KCND2: variants seen among roughly 807,000 people sequenced by gnomAD.
KCND2 encodes the protein A-type voltage-gated potassium channel KCND2.
In KCND2, 16 loss-of-function variants were observed where a neutral mutation model predicts 54.4. The observed-to-expected ratio is 0.29, with a 90% confidence interval of 0.20 to 0.45. KCND2 has a LOEUF of 0.45. Among genes scored for constraint, KCND2 ranks in the 20% least tolerant of loss-of-function variants. KCND2 has a pLI of 1.00. For synonymous variants in KCND2, 317 were observed against 310.7 expected, an observed-to-expected ratio of 1.02 and a Z score of -0.21; for missense variants, 486 against 824.2, an observed-to-expected ratio of 0.59 and a Z score of 5.02.
At chr7:120,608,914 A>G (rs1792916775) in intron 1 of KCND2, among the ~76,000 whole-genome samples, 1 of 152,128 alleles carries the variant, frequency 6.6e-6, no homozygotes, top group South Asian at 2.1e-4. Context: ...GCAAAATAAA[A>G]CACACCAAGT....
intron 2 of KCND2, among the ~76,000 whole-genome samples, chr7:120,740,110 C>T (rs1792922475): frequency 6.6e-6 from 1 of 151,882 alleles, no homozygotes; most frequent in Admixed American, 6.6e-5. Flanking sequence ...AGAGTATTCT[C>T]TGGAGTAAAA....
intron 1 of KCND2, among the ~76,000 whole-genome samples, chr7:120,724,372 T>G (rs1792706171): frequency 6.6e-6 from 1 of 152,210 alleles, no homozygotes; most frequent in Non-Finnish European, 1.5e-5. Flanking sequence ...ACATTTGAGC[T>G]TCATCAATGG....
chr7:120,524,582 A>G (rs1791748363), intron 1 of KCND2, among the ~76,000 whole-genome samples: 1 of 152,202 alleles, frequency 6.6e-6, no homozygotes, highest in African/African-American at 2.4e-5. Context: ...AATTCACAAT[A>G]ATGACAGAAA....
chr7:120,686,209 A>C, intron 1 of KCND2, among the ~76,000 whole-genome samples: 1 of 152,236 alleles, frequency 6.6e-6, no homozygotes, highest in South Asian at 2.1e-4. Flanking sequence ...ACAATGCTGA[A>C]ATGAACATGG....
chr7:120,276,892 G>C (rs1799184821), intron 1 of KCND2, among the ~76,000 whole-genome samples: 1 of 152,004 alleles, frequency 6.6e-6, no homozygotes, highest in Non-Finnish European at 1.5e-5. Flanking sequence ...CTTCAGCTTT[G>C]TGCTACTATT....
intron 1 of KCND2, among the ~76,000 whole-genome samples, chr7:120,558,907 A>G (rs1056116441): frequency 5.3e-5 from 8 of 152,290 alleles, no homozygotes; most frequent in African/African-American, 1.9e-4. Context: ...TGAATGGTCC[A>G]TAGCATCATT....
intron 1 of KCND2, among the ~76,000 whole-genome samples, chr7:120,701,615 A>G (rs1468727751): frequency 6.6e-6 from 1 of 152,168 alleles, no homozygotes; most frequent in Admixed American, 6.6e-5. Flanking sequence ...ACACAGACCA[A>G]TGAAACAGAA....
At chr7:120,355,960 A>G (rs988062024) in intron 1 of KCND2, among the ~76,000 whole-genome samples, 2 of 152,190 alleles carry the variant, frequency 1.3e-5, no homozygotes, top group African/African-American at 4.8e-5. Flanking sequence ...TTATACCTAA[A>G]TAGAGAACAT....
chr7:120,479,689 G>T (rs1305500678), intron 1 of KCND2, among the ~76,000 whole-genome samples: 1 of 150,376 alleles, frequency 6.6e-6, no homozygotes, highest in Non-Finnish European at 1.5e-5. Context: ...AGCACTTGGG[G>T]AGGCCAAGAT....
At chr7:120,652,234 C>T (rs1437060614) in intron 1 of KCND2, among the ~76,000 whole-genome samples, 1 of 152,112 alleles carries the variant, frequency 6.6e-6, no homozygotes, top group Non-Finnish European at 1.5e-5. Flanking sequence ...CACCACCACA[C>T]CCAGCTAATT....
intron 1 of KCND2, among the ~76,000 whole-genome samples, chr7:120,468,260 T>G (rs1481794321): frequency 6.6e-6 from 1 of 152,136 alleles, no homozygotes; most frequent in Non-Finnish European, 1.5e-5. Flanking sequence ...TAATTTTATT[T>G]TACATACTCA....
chr7:120,489,150 TA>T (rs1802735137), intron 1 of KCND2, among the ~76,000 whole-genome samples: 1 of 152,112 alleles, frequency 6.6e-6, no homozygotes, highest in South Asian at 2.1e-4. Flanking sequence ...GTGAAACTAA[TA>T]TCATCTTATC....
Position 120,275,331 on chromosome 7 carries a change from C to T in KCND2, c.699C>T (p.Asp233=). The change falls in exon 1 of 6, where the codon GAC becomes GAT. Residue 233 remains aspartate (D), a synonymous_variant. Coordinates refer to ENST00000331113, the MANE Select transcript of KCND2 (RefSeq NM_012281.3). ...ATGCTGTGGCCTTCTTCTGCTTGGACACGGCCTGCGTCATGATCTTCACAG... is the reference window on the plus strand; with the variant it reads ...ATGCTGTGGCCTTCTTCTGCTTGGATACGGCCTGCGTCATGATCTTCACAG... The part of the protein sequence containing the change: ...ERYAVAFFCL[D]TACVMIFTVE... 6.2e-7 allele frequency: 1 copy of T among 1,613,776 alleles called. No homozygotes were observed. The highest frequency in any genetic ancestry group is 8.5e-7 in the Non-Finnish European group (1 of 1,179,962).
chr7:120,340,077 A>G (rs1017995502), intron 1 of KCND2, among the ~76,000 whole-genome samples: 9 of 152,194 alleles, frequency 5.9e-5, no homozygotes, highest in African/African-American at 1.2e-4. Context: ...TGACTTTTAC[A>G]CTGAGATGAA....
chr7:120,547,450 C>T (rs1279408357), intron 1 of KCND2, among the ~76,000 whole-genome samples: 1 of 151,908 alleles, frequency 6.6e-6, no homozygotes, highest in Non-Finnish European at 1.5e-5. Context: ...GCAGAAGAAT[C>T]TTCACTTCTC....
At chr7:120,454,896 A>C in intron 1 of KCND2, among the ~76,000 whole-genome samples, 1 of 152,214 alleles carries the variant, frequency 6.6e-6, no homozygotes, top group East Asian at 1.9e-4. Flanking sequence ...ACAATGTCCA[A>C]ACTGAAAGCC....
rs57286411 is a variant in KCND2 at position 120,434,818 on chromosome 7, G to GA, written c.1115+159082dup. 7.1e-3 allele frequency among the ~76,000 whole-genome samples: 1,041 copies of GA among 147,334 alleles called. 6 individuals are homozygous for GA. Among genetic ancestry groups the GA allele is most frequent in the Non-Finnish European group, 0.011 (712 of 66,038 alleles). ...ACTGCTGTGTAAAAAGATCCTAGAG[G>GA]AAAAAAAAAAATAGACTTTTCCAGG... On this transcript the variant is annotated intron_variant, in intron 1 of 5. Transcript: ENST00000331113.
chr7:120,742,486 C>T, intron 3 of KCND2, 24 bp from the exon 4 acceptor site: 1 of 1,594,124 alleles, frequency 6.3e-7, no homozygotes, highest in Non-Finnish European at 8.6e-7. Flanking sequence ...ATAGAAAGCT[C>T]TTCTGTCTTC....
At chr7:120,626,427 G>C (rs575400087) in intron 1 of KCND2, among the ~76,000 whole-genome samples, 2 of 152,226 alleles carry the variant, frequency 1.3e-5, no homozygotes, top group African/African-American at 4.8e-5. Flanking sequence ...CTAATGAAAA[G>C]TGGGATAAAA....
Sources: allele counts gnomAD v4.1 joint callset (sites outside exome capture counted in the v4.1 genomes callset), GRCh38; gene constraint gnomAD v4.1.1; transcripts MANE v1.5; gene names NCBI Gene and HGNC (gene_info 2026-07-23, HGNC 2026-07-21).